SLC9A8: variants seen among roughly 807,000 people sequenced by gnomAD.
The protein encoded by SLC9A8 is sodium/hydrogen exchanger 8.
In SLC9A8, 48 loss-of-function variants were observed where a neutral mutation model predicts 66.6. The ratio of observed to expected loss-of-function variants is 0.72; its 90% CI spans 0.57 to 0.92. The LOEUF is 0.92. SLC9A8 is among the 40% of genes least tolerant of loss of function. The probability of loss-of-function intolerance (pLI) is 0.00; values close to 1 mark genes in which losing one functional copy is unlikely to be tolerated. For missense variants in SLC9A8, 599 were observed against 747.3 expected, an observed-to-expected ratio of 0.80 and a Z score of 2.31; for synonymous variants, 274 against 282.6, an observed-to-expected ratio of 0.97 and a Z score of 0.31.
intron 2 of SLC9A8, among the ~76,000 whole-genome samples, chr20:49,820,793 C>T (rs1161005468): frequency 6.6e-6 from 1 of 152,044 alleles, no homozygotes; most frequent in Non-Finnish European, 1.5e-5. Flanking sequence ...GATCTGCTTG[C>T]CTCAGCCTCC....
chr20:49,815,092 C>T lies in SLC9A8; in HGVS notation c.111C>T (p.Thr37=), dbSNP rs147810407. The change falls in exon 2 of 16, where the codon ACC becomes ACT. Residue 37 remains threonine, a synonymous_variant. Coordinates refer to ENST00000361573, the MANE Select transcript of SLC9A8 (RefSeq NM_015266.3). The part of the protein sequence containing the change: ...LVVTTKLVLP[T]PGKPILPVQT... ...TCACGACGAAACTGGTGCTCCCGAC[C>T]CCTGGCAAGCCCATCCTCCCCGTGC... 1.8e-5 allele frequency: 29 copies of T among 1,608,982 alleles called. No individual in the cohort carries two copies. The African/African-American group carries it at 3.1e-4, about 17-fold the overall frequency.
At chr20:49,819,935 A>G (rs1226742743) in intron 2 of SLC9A8, among the ~76,000 whole-genome samples, 2 of 152,184 alleles carry the variant, frequency 1.3e-5, no homozygotes, top group Admixed American at 1.3e-4. Flanking sequence ...ATGTTTATTC[A>G]TTCATCAGTG....
At chr20:49,855,263 A>T (rs1208991783) in intron 7 of SLC9A8, among the ~76,000 whole-genome samples, 175 bp from the exon 8 acceptor site, 2 of 152,088 alleles carry the variant, frequency 1.3e-5, no homozygotes, top group Non-Finnish European at 2.9e-5. Flanking sequence ...GGCCTTTCAT[A>T]CTCCACCCAC....
intron 14 of SLC9A8, among the ~76,000 whole-genome samples, chr20:49,884,452 C>T (rs1190598821): frequency 5.3e-5 from 8 of 151,950 alleles, no homozygotes; most frequent in Non-Finnish European, 7.4e-5. Flanking sequence ...GGGCTGTGGA[C>T]GACCCCATCT....
chr20:49,862,940 G>GTTTA lies in SLC9A8; in HGVS notation c.726_729dup (p.Thr244PhefsTer20). 1 of 1,612,030 alleles carries GTTTA rather than the reference G, an allele frequency of 6.2e-7. No homozygotes were observed. Among genetic ancestry groups the GTTTA allele is most frequent in the Admixed American group, 1.7e-5 (1 of 59,896 alleles). ...CTTTCATTTCCTAGCACAGCTGAAGGTTTAACAAGAAAAAATATGTCAGAT... is the reference window on the plus strand; with the variant it reads ...CTTTCATTTCCTAGCACAGCTGAAGGTTTATTTAACAAGAAAAAATATGTCAGAT... On this transcript the variant is annotated frameshift_variant, in exon 9 of 16. Transcript: ENST00000361573. LOFTEE classifies it high-confidence loss of function.
rs2089894747 is a variant in SLC9A8 at position 49,886,422 on chromosome 20, A to G, written c.1492-330A>G. On this transcript the variant is annotated intron_variant, in intron 14 of 15. Coordinates refer to ENST00000361573, the MANE Select transcript of SLC9A8 (RefSeq NM_015266.3). This position sits in a 1 kb window ranked among gnomAD's most constrained non-coding sequence, Gnocchi z 4.8. ...AAGCCTCCCTGTGCGATTTGCTGCT[A>G]ATGAAAAGCCCAGAACAGCAGTTCT... The G allele has an allele frequency of 9.5e-6, 2 of 210,118 alleles. No individual in the cohort carries two copies. The highest frequency in any genetic ancestry group is 1.9e-5 in the Non-Finnish European group (2 of 106,516). The allele number at this position is 210,118 out of a possible 1,614,324, so 13.0% of individuals were successfully genotyped here.
At chr20:49,854,952 C>T (rs1404719451) in intron 7 of SLC9A8, among the ~76,000 whole-genome samples, 1 of 152,220 alleles carries the variant, frequency 6.6e-6, no homozygotes, top group Non-Finnish European at 1.5e-5. Flanking sequence ...GTCTACGCCA[C>T]TCACCCCCAA....
chr20:49,815,250 G>T, intron 2 of SLC9A8, 61 bp downstream of exon 2: 1 of 1,390,182 alleles, frequency 7.2e-7, no homozygotes. Context: ...CTCGGTCTGT[G>T]TGTTTAACCC....
At chr20:49,855,776 G>A (rs1388907642) in intron 8 of SLC9A8, among the ~76,000 whole-genome samples, 195 bp downstream of exon 8, 1 of 152,096 alleles carries the variant, frequency 6.6e-6, no homozygotes, top group African/African-American at 2.4e-5. Context: ...GGTTCCAGGG[G>A]TGGTTAAAAG....
Position 49,839,582 on chromosome 20 carries a change from A to C in SLC9A8, c.331A>C (p.Lys111Gln). 1 of 1,601,228 alleles carries C rather than the reference A, an allele frequency of 6.2e-7. No individual in the cohort carries two copies. The highest frequency in any genetic ancestry group is 8.5e-7 in the Non-Finnish European group (1 of 1,169,986). Residue 111 changes from lysine (K) to glutamine (Q), a missense_variant, in exon 4 of 16, where the codon AAA becomes CAA. Lys to Gln is a moderately conservative substitution (Grantham distance 53). Around this residue, in one of 2 missense-constraint regions of SLC9A8, gnomAD observed 467 missense variants for 626.5 expected, o/e 0.75. Coordinates refer to ENST00000361573, the MANE Select transcript of SLC9A8 (RefSeq NM_015266.3). Reference protein sequence around the residue: ...GAVIKIIEFKKLANWKEEEMF... With the variant: ...GAVIKIIEFKQLANWKEEEMF... ...AGTTATAAAAATTATAGAGTTTAAAAAACTGGCGAATTGGAAGGTAGGTTT... is the reference window on the plus strand; with the variant it reads ...AGTTATAAAAATTATAGAGTTTAAACAACTGGCGAATTGGAAGGTAGGTTT...
intron 10 of SLC9A8, among the ~76,000 whole-genome samples, chr20:49,873,216 T>A (rs914566102): frequency 6.6e-6 from 1 of 152,192 alleles, no homozygotes; most frequent in Admixed American, 6.5e-5. Context: ...GTGCAGTGGC[T>A]CACACTTATA....
Position 49,817,810 on chromosome 20 carries a change from A to T in SLC9A8, c.208+2621A>T, listed in dbSNP as rs182225681. 2.6e-5 allele frequency among the ~76,000 whole-genome samples: 4 copies of T among 152,312 alleles called. No individual in the cohort carries two copies. The East Asian group carries it at 7.7e-4, about 29-fold the overall frequency. ...TTTTTTACCCTGTAAATGTAGTTGA[A>T]TTCTATTTCTAGGGGATTACTTCAA... On this transcript the variant is annotated intron_variant, in intron 2 of 15. Coordinates refer to ENST00000361573, the MANE Select transcript of SLC9A8 (RefSeq NM_015266.3).
Position 49,838,492 on chromosome 20 carries a change from A to G in SLC9A8, c.290-1049A>G, listed in dbSNP as rs528609004. Among the ~76,000 whole-genome samples the G allele has an allele frequency of 2.6e-5, 4 of 152,322 alleles. No homozygotes were observed. The South Asian group carries it at 8.3e-4, about 32-fold the overall frequency. On this transcript the variant is annotated intron_variant, in intron 3 of 15. Transcript: ENST00000361573. ...CAAAATAGTTTTATTATTTTTTAATACTATATAACAATTCAAATAGCATGG... is the reference window on the plus strand; with the variant it reads ...CAAAATAGTTTTATTATTTTTTAATGCTATATAACAATTCAAATAGCATGG...
intron 3 of SLC9A8, among the ~76,000 whole-genome samples, chr20:49,832,138 C>G: frequency 6.6e-6 from 1 of 152,196 alleles, no homozygotes; most frequent in East Asian, 1.9e-4. Context: ...GCCCACTGCT[C>G]TCTGTCCTCC....
intron 1 of SLC9A8, 40 bp downstream of exon 1, chr20:49,812,988 T>A: frequency 7.3e-7 from 1 of 1,367,168 alleles, no homozygotes; most frequent in Non-Finnish European, 9.4e-7. Context: ...GCGGCGGGGC[T>A]GGGCCCCGGC....
chr20:49,839,610 C>T lies in SLC9A8; in HGVS notation c.348+11C>T. ...CTGGCGAATTGGAAGGTAGGTTTGC[C>T]CTTTGGTTGTTCTTAATTTTAGTAA... On this transcript the variant is annotated intron_variant, in intron 4 of 15. Coordinates refer to ENST00000361573, the MANE Select transcript of SLC9A8 (RefSeq NM_015266.3). The T allele has an allele frequency of 6.3e-7, 1 of 1,583,694 alleles. No individual in the cohort carries two copies. Among genetic ancestry groups the T allele is most frequent in the Non-Finnish European group, 8.6e-7 (1 of 1,157,080 alleles).
chr20:49,883,072 C>T (rs483508), intron 13 of SLC9A8, among the ~76,000 whole-genome samples: 51,361 of 145,122 alleles, frequency 0.35, 9,766 homozygotes, highest in South Asian at 0.58. Flanking sequence ...ATTTGCTGTG[C>T]CTCCTCCCAG....
intron 3 of SLC9A8, among the ~76,000 whole-genome samples, chr20:49,836,158 G>C (rs578237109): frequency 1.3e-5 from 2 of 152,250 alleles, no homozygotes; most frequent in African/African-American, 4.8e-5. Context: ...CATATAAATG[G>C]AATGGTAAAA....
rs911133377 is a variant in SLC9A8 at position 49,888,616 on chromosome 20, T to G, written c.*680T>G. On this transcript the variant is annotated 3_prime_UTR_variant, in exon 16 of 16. Transcript: ENST00000361573. ...ACACTGGTACCTTCTGGTATCTTCT[T>G]TAGAGCCCCCTGCAAGCTGCAACTC... 2.6e-5 allele frequency: 4 copies of G among 152,746 alleles called. No individual in the cohort carries two copies. The highest frequency in any genetic ancestry group is 5.9e-5 in the Non-Finnish European group (4 of 68,140). The allele number at this position is 152,746 out of a possible 1,614,324, so 9.5% of individuals were successfully genotyped here.
Sources: allele counts gnomAD v4.1 joint callset (sites outside exome capture counted in the v4.1 genomes callset), GRCh38; gene constraint gnomAD v4.1.1; regional missense constraint gnomAD v4.1.1; non-coding constraint Gnocchi (gnomAD v3.1); transcripts MANE v1.5; gene names NCBI Gene and HGNC (gene_info 2026-07-23, HGNC 2026-07-21).